Variants in KLRF2 observed in about 807,000 individuals in gnomAD.
KLRF2 encodes the protein killer cell lectin like receptor F2.
KLRF2 carries 28 observed loss-of-function variants against 25.3 expected under a neutral mutation model. The ratio of observed to expected loss-of-function variants is 1.11; its 90% CI spans 0.82 to 1.52. KLRF2 has a LOEUF of 1.52. Among genes scored for constraint, KLRF2 ranks in the 40% most tolerant of loss-of-function variants. The pLI, the probability that KLRF2 is intolerant of heterozygous loss-of-function variation, is 0.00. For missense variants in KLRF2, 265 were observed against 245.8 expected (o/e 1.08, Z -0.52); for synonymous variants, 73 against 85.0 (o/e 0.86, Z 0.78).
Position 9,888,410 on chromosome 12 carries a change from A to G in KLRF2, c.170-323A>G, listed in dbSNP as rs574678749. Among the ~76,000 whole-genome samples the G allele has an allele frequency of 4.7e-4, 71 of 152,188 alleles. No individual in the cohort carries two copies. In the South Asian group the frequency reaches 0.015, roughly 32 times the overall value. On this transcript the variant is annotated intron_variant, in intron 2 of 5. Transcript: ENST00000535540. ...GAGGCTGAGGTAGGAGAATGGCGAG[A>G]ACCTGGGAGTCGGAGCTTGCAGTGA...
chr12:9,888,080 G>A (rs61328259), intron 2 of KLRF2, among the ~76,000 whole-genome samples: 105 of 85,552 alleles, frequency 1.2e-3, no homozygotes, highest in East Asian at 3.2e-3. Flanking sequence ...AAAAAGTTAA[G>A]AATAGTAATA....
chr12:9,893,896 A>T (rs1862719357), intron 5 of KLRF2, among the ~76,000 whole-genome samples: 1 of 152,202 alleles, frequency 6.6e-6, no homozygotes, highest in Non-Finnish European at 1.5e-5. Flanking sequence ...AAAAGCAAAG[A>T]CAAAATTCAC....
In KLRF2 at chr12:9,893,409, A is replaced by G; in HGVS notation, c.367-20A>G. The stretch of plus-strand genomic sequence containing the variant: ...TTTTTTTAAACAAATGAATGAATAA[A>G]TGCACTATTTCTTCTGCAGGAGTTC... On this transcript the variant is annotated intron_variant, in intron 4 of 5. Transcript: ENST00000535540. The G allele has an allele frequency of 1.8e-6, 2 of 1,127,254 alleles. No homozygotes were observed. The highest frequency in any genetic ancestry group is 2.5e-6 in the Non-Finnish European group (2 of 787,528). 69.8% of individuals were successfully genotyped at this position (1,127,254 alleles called of 1,614,324 possible).
intron 5 of KLRF2, among the ~76,000 whole-genome samples, chr12:9,894,150 C>G (rs1273502025): frequency 6.8e-6 from 1 of 147,640 alleles, no homozygotes; most frequent in Non-Finnish European, 1.5e-5. Context: ...CTCTCTCTCT[C>G]TCTCCCTCCC....
chr12:9,895,737 A>T lies in KLRF2; in HGVS notation c.528A>T (p.Thr176=). Residue 176 remains threonine, a synonymous_variant, in exon 6 of 6, where the codon ACA becomes ACT. Transcript: ENST00000535540. ...PTDDRSCAVI[T]GNWVYSEDCS... ...ATGACAGGAGCTGTGCCGTTATCAC[A>T]GGAAACTGGGTGTATTCTGAAGACT... The T allele has an allele frequency of 6.5e-7, 1 of 1,535,818 alleles. No individual in the cohort carries two copies. The highest frequency in any genetic ancestry group is 8.7e-7 in the Non-Finnish European group (1 of 1,146,754).
At chr12:9,882,064 C>T (rs1868100153) in intron 1 of KLRF2, among the ~76,000 whole-genome samples, 1 of 151,132 alleles carries the variant, frequency 6.6e-6, no homozygotes. Context: ...TCGTAAAAGC[C>T]CTATAGGATT....
chr12:9,882,198 T>C (rs1868101742), intron 1 of KLRF2, among the ~76,000 whole-genome samples: 1 of 152,148 alleles, frequency 6.6e-6, no homozygotes, highest in Admixed American at 6.5e-5. Flanking sequence ...GAAAACAATC[T>C]TGTTGAAATA....
intron 5 of KLRF2, among the ~76,000 whole-genome samples, chr12:9,894,812 C>T (rs919499187): frequency 2.0e-5 from 3 of 151,160 alleles, no homozygotes; most frequent in Non-Finnish European, 4.4e-5. Flanking sequence ...GCTTTTAATG[C>T]AATATTTGAA....
chr12:9,890,481 G>T (rs578068313), intron 3 of KLRF2, among the ~76,000 whole-genome samples: 1 of 152,218 alleles, frequency 6.6e-6, no homozygotes, highest in East Asian at 1.9e-4. Context: ...TTTCCTTCTG[G>T]CTTTCAGCTA....
Position 9,888,789 on chromosome 12 carries a change from C to G in KLRF2, c.217+9C>G. 2.0e-6 allele frequency: 3 copies of G among 1,484,320 alleles called. No individual in the cohort carries two copies. Among genetic ancestry groups the G allele is most frequent in the Non-Finnish European group, 2.7e-6 (3 of 1,100,506 alleles). The allele number at this position is 1,484,320 out of a possible 1,614,324, so 91.9% of individuals were successfully genotyped here. On this transcript the variant is annotated intron_variant, in intron 3 of 5. Transcript: ENST00000535540. ...CGTCAGCAGTCTATCAGGTAATACT[C>G]TTTTTGTTTGTTATGTGCTACTCTT... is the stretch of plus-strand genomic sequence containing the variant.
chr12:9,881,556 T>C lies in KLRF2; in HGVS notation c.-40T>C. 3.7e-6 allele frequency: 5 copies of C among 1,363,310 alleles called. No individual in the cohort carries two copies. The highest frequency in any genetic ancestry group is 5.0e-6 in the Non-Finnish European group (5 of 991,016). The allele number at this position is 1,363,310 out of a possible 1,614,324, so 84.5% of individuals were successfully genotyped here. ...TTGAGATTAGTTTCCATTTTCTTTG[T>C]ACTATTTTCTGGATAATAAGACATT... On this transcript the variant is annotated 5_prime_UTR_variant, in exon 1 of 6. Coordinates refer to ENST00000535540, the MANE Select transcript of KLRF2 (RefSeq NM_001190765.1).
rs1241433673 is a variant in KLRF2, at chr12:9,893,009, T to C, written c.218-11T>C. 9.8e-6 allele frequency: 15 copies of C among 1,529,026 alleles called. No individual in the cohort carries two copies. Among genetic ancestry groups the C allele is most frequent in the Non-Finnish European group, 1.3e-5 (15 of 1,141,712 alleles). 94.7% of individuals were successfully genotyped at this position (1,529,026 alleles called of 1,614,324 possible). ...AAAGTTTAATTAATTTTCCCCTATGTTTTCCTTTAGGACACAATTACTTGT... is the reference window on the plus strand; with the variant it reads ...AAAGTTTAATTAATTTTCCCCTATGCTTTCCTTTAGGACACAATTACTTGT... On this transcript the variant is annotated splice_polypyrimidine_tract_variant and intron_variant, in intron 3 of 5. Coordinates refer to ENST00000535540, the MANE Select transcript of KLRF2 (RefSeq NM_001190765.1).
At chr12:9,888,309 T>C (rs1862627175) in intron 2 of KLRF2, among the ~76,000 whole-genome samples, 1 of 151,312 alleles carries the variant, frequency 6.6e-6, no homozygotes, top group Admixed American at 6.6e-5. Context: ...GCTAATATCA[T>C]GAAACCCCAT....
chr12:9,888,054 C>CA (rs59382110), intron 2 of KLRF2, among the ~76,000 whole-genome samples: 6,769 of 65,400 alleles, frequency 0.1, 713 homozygotes, highest in East Asian at 0.28. Flanking sequence ...GACCCTGTGT[C>CA]AAAAAAAAAA....
chr12:9,892,580 C>CTTTTTTTTTTTTTTT (rs66824753), intron 3 of KLRF2, among the ~76,000 whole-genome samples: 1 of 104,836 alleles, frequency 9.5e-6, no homozygotes, highest in African/African-American at 3.8e-5. Context: ...TACAGAACTG[C>CTTTTTTTTTTTTTTT]TTTTTTTTTT....
intron 1 of KLRF2, among the ~76,000 whole-genome samples, 189 bp from the exon 2 acceptor site, chr12:9,884,745 C>T (rs903560700): frequency 6.6e-6 from 1 of 151,100 alleles, no homozygotes; most frequent in African/African-American, 2.4e-5. Flanking sequence ...TCAGTACAAT[C>T]CAAAACGTTT....
At chr12:9,885,758 T>C (rs944391889) in intron 2 of KLRF2, among the ~76,000 whole-genome samples, 1 of 152,038 alleles carries the variant, frequency 6.6e-6, no homozygotes, top group Non-Finnish European at 1.5e-5. Context: ...TAAATATCAA[T>C]CATATACCTC....
chr12:9,884,664 T>A (rs925362895), intron 1 of KLRF2, among the ~76,000 whole-genome samples: 13 of 149,882 alleles, frequency 8.7e-5, no homozygotes, highest in Non-Finnish European at 1.6e-4. Flanking sequence ...TTTGTATGTA[T>A]AATTTATATG....
intron 2 of KLRF2, 68 bp downstream of exon 2, chr12:9,885,100 A>G (rs917964042): frequency 6.1e-6 from 3 of 493,756 alleles, no homozygotes; most frequent in Admixed American, 4.4e-5. Flanking sequence ...ATTCCTCTTA[A>G]TGCCAAGATA....
Sources: gnomAD v4.1 joint callset for allele counts (sites outside exome capture counted in the v4.1 genomes callset) on GRCh38, gnomAD v4.1.1 for gene constraint, MANE v1.5 for transcripts, NCBI Gene and HGNC (gene_info 2026-07-23, HGNC 2026-07-21) for gene names.